Variants in GHR observed in about 807,000 individuals in gnomAD.
The protein encoded by GHR is growth hormone receptor.
In GHR, 35 loss-of-function variants were observed where a neutral mutation model predicts 67.1. That is an observed-to-expected ratio of 0.52 (90% confidence interval 0.40 to 0.69). The LOEUF (loss-of-function observed/expected upper bound fraction) is 0.69. GHR is among the 30% of genes least tolerant of loss of function. The pLI is 0.00. For missense variants in GHR, 792 were observed against 764.6 expected (o/e 1.04, Z -0.42); for synonymous variants, 272 against 269.1 (o/e 1.01, Z -0.10).
rs60355712 is a variant in GHR, at chr5:42,564,373, T to C, written c.-11-1491T>C. Among the ~76,000 whole-genome samples, 310 of 144,988 alleles carry C rather than the reference T, an allele frequency of 2.1e-3. 13 individuals carry two copies. Among genetic ancestry groups the C allele is most frequent in the African/African-American group, 8.4e-3 (296 of 35,160 alleles). ...CACAATGTGTGAGATTTATTTGAAA[T>C]CTCACAAAGTGTGTTCATCTGCATG... is the stretch of plus-strand genomic sequence containing the variant. On this transcript the variant is annotated intron_variant, in intron 1 of 9. Coordinates refer to ENST00000230882, the MANE Select transcript of GHR (RefSeq NM_000163.5).
Position 42,715,415 on chromosome 5 carries a change from C to T in GHR, c.875+1896C>T, listed in dbSNP as rs1311985933. 2.0e-5 allele frequency among the ~76,000 whole-genome samples: 3 copies of T among 152,302 alleles called. No homozygotes were observed. The East Asian group carries it at 5.8e-4, about 29-fold the overall frequency. On this transcript the variant is annotated intron_variant, in intron 8 of 9. Coordinates refer to ENST00000230882, the MANE Select transcript of GHR (RefSeq NM_000163.5). ...AGGTCCTACATGCCTTTGAAATTTT[C>T]TGAGTCCACAATTCATTATCCAACC...
chr5:42,473,538 A>C (rs1050359590), intron 1 of GHR, among the ~76,000 whole-genome samples: 2 of 152,196 alleles, frequency 1.3e-5, no homozygotes, highest in Non-Finnish European at 2.9e-5. Flanking sequence ...CTTATTCTTA[A>C]GGCAAAGCTC....
At chr5:42,682,945 TC>T (rs1432350991) in intron 3 of GHR, among the ~76,000 whole-genome samples, 1 of 152,160 alleles carries the variant, frequency 6.6e-6, no homozygotes, top group Non-Finnish European at 1.5e-5. Context: ...AAAGATTGGT[TC>T]CCATGCTTAT....
At chr5:42,637,505 C>A (rs575778923) in intron 3 of GHR, among the ~76,000 whole-genome samples, 1 of 152,176 alleles carries the variant, frequency 6.6e-6, no homozygotes, top group African/African-American at 2.4e-5. Flanking sequence ...ATCTTTATAC[C>A]CATGTTTATC....
At chr5:42,588,344 C>T (rs2112583340) in intron 2 of GHR, among the ~76,000 whole-genome samples, 1 of 151,624 alleles carries the variant, frequency 6.6e-6, no homozygotes, top group Middle Eastern at 3.4e-3. Context: ...ACAGTGAAAC[C>T]CCGTCTCTAC....
At chr5:42,570,766 T>G (rs1038110877) in intron 2 of GHR, among the ~76,000 whole-genome samples, 43 of 152,182 alleles carry the variant, frequency 2.8e-4, no homozygotes, top group African/African-American at 9.9e-4. Flanking sequence ...TAAACATAAT[T>G]TAATTGTGAT....
intron 2 of GHR, among the ~76,000 whole-genome samples, chr5:42,596,699 T>C (rs192806601): frequency 3.3e-5 from 5 of 152,232 alleles, no homozygotes; most frequent in Admixed American, 6.5e-5. Context: ...CCTGATATGA[T>C]TGAGAGACTG....
In GHR at chr5:42,455,282, T is replaced by C. The variant is rs1336508576; in HGVS notation, c.-12+31327T>C. Reference sequence around the variant, plus strand: ...GCAGCCTGTCACTTCTTTCAAAGGATCTGTGAATTCTTTCCATTTTCCTGA... The same window carrying C: ...GCAGCCTGTCACTTCTTTCAAAGGACCTGTGAATTCTTTCCATTTTCCTGA... On this transcript the variant is annotated intron_variant, in intron 1 of 9. Coordinates refer to ENST00000230882, the MANE Select transcript of GHR (RefSeq NM_000163.5). Among the ~76,000 whole-genome samples the C allele has an allele frequency of 2.0e-5, 3 of 152,294 alleles. No homozygotes were observed. In the East Asian group the frequency reaches 5.8e-4, roughly 29 times the overall value.
intron 1 of GHR, among the ~76,000 whole-genome samples, chr5:42,488,313 T>C (rs1180417391): frequency 3.9e-5 from 6 of 152,162 alleles, no homozygotes; most frequent in African/African-American, 1.4e-4. Context: ...AAAACTGAGG[T>C]CCAGGATATA....
intron 1 of GHR, among the ~76,000 whole-genome samples, chr5:42,458,161 A>C (rs1303604252): frequency 1.2e-4 from 19 of 152,190 alleles, no homozygotes; most frequent in Non-Finnish European, 1.8e-4. Flanking sequence ...GATTGATTGG[A>C]CAATGAGAAT....
At chr5:42,537,577 A>T (rs1254284994) in intron 1 of GHR, among the ~76,000 whole-genome samples, 1 of 152,278 alleles carries the variant, frequency 6.6e-6, no homozygotes, top group East Asian at 1.9e-4. Flanking sequence ...ATGGCCTATC[A>T]TATGGTCTAT....
intron 1 of GHR, among the ~76,000 whole-genome samples, chr5:42,487,402 G>T (rs1419460555): frequency 1.3e-5 from 2 of 152,192 alleles, no homozygotes; most frequent in African/African-American, 4.8e-5. Context: ...GGTTTACTTA[G>T]AGAAAAGCTC....
chr5:42,588,355 T>C (rs1751593181), intron 2 of GHR, among the ~76,000 whole-genome samples: 4 of 151,588 alleles, frequency 2.6e-5, no homozygotes, highest in African/African-American at 9.7e-5. Context: ...CCGTCTCTAC[T>C]AAAAATACAA....
chr5:42,550,104 G>A (rs558924481), intron 1 of GHR: 10 of 974,524 alleles, frequency 1.0e-5, no homozygotes, highest in African/African-American at 1.8e-5. Flanking sequence ...ATGACAGCAC[G>A]TATGAGCCTG....
At chr5:42,691,413 A>AGGACT (rs1270356163) in intron 4 of GHR, among the ~76,000 whole-genome samples, 4 of 152,212 alleles carry the variant, frequency 2.6e-5, no homozygotes, top group Non-Finnish European at 5.9e-5. Context: ...TAGGAGTATC[A>AGGACT]GGACTGGACT....
At chr5:42,588,862 T>G (rs974113514) in intron 2 of GHR, among the ~76,000 whole-genome samples, 8 of 152,232 alleles carry the variant, frequency 5.3e-5, no homozygotes, top group African/African-American at 1.9e-4. Context: ...ATTAACTTAT[T>G]GAGTCATTTG....
chr5:42,436,530 A>G (rs774166468), intron 1 of GHR, among the ~76,000 whole-genome samples: 1 of 152,214 alleles, frequency 6.6e-6, no homozygotes, highest in Admixed American at 6.5e-5. Flanking sequence ...AGATATCCAC[A>G]TAAATTGACC....
chr5:42,587,207 G>T (rs762514214), intron 2 of GHR, among the ~76,000 whole-genome samples: 1 of 152,166 alleles, frequency 6.6e-6, no homozygotes, highest in Non-Finnish European at 1.5e-5. Flanking sequence ...AAGCAATAAA[G>T]AAGCCCCATG....
chr5:42,674,204 C>A (rs1018323632), intron 3 of GHR, among the ~76,000 whole-genome samples: 1 of 152,024 alleles, frequency 6.6e-6, no homozygotes, highest in African/African-American at 2.4e-5. Flanking sequence ...GTTTTTGTGA[C>A]AGTGACAGGC....
Sources: gnomAD v4.1 joint callset for allele counts (sites outside exome capture counted in the v4.1 genomes callset) on GRCh38, gnomAD v4.1.1 for gene constraint, MANE v1.5 for transcripts, NCBI Gene and HGNC (gene_info 2026-07-23, HGNC 2026-07-21) for gene names.